The following SCO1 variants were observed in gnomAD, a reference collection of about 807,000 sequenced individuals.
The protein encoded by SCO1 is synthesis of cytochrome C oxidase 1.
In SCO1, 23 loss-of-function variants were observed where a neutral mutation model predicts 34.0. That is an observed-to-expected ratio of 0.68 (90% CI 0.49 to 0.96). SCO1 has a LOEUF of 0.96. Ranked by LOEUF, SCO1 falls within the 40% of genes least tolerant of loss-of-function variation. The probability of loss-of-function intolerance (pLI) is 0.00; values close to 1 mark genes in which losing one functional copy is unlikely to be tolerated. For missense variants in SCO1, 404 were observed against 381.6 expected (o/e 1.06, Z -0.49); for synonymous variants, 161 against 145.5 (o/e 1.11, Z -0.77).
intron 5 of SCO1, among the ~76,000 whole-genome samples, chr17:10,686,349 G>A (rs182511303): frequency 3.3e-5 from 5 of 152,196 alleles, no homozygotes; most frequent in East Asian, 1.9e-4. Flanking sequence ...AGTACTTTGG[G>A]AGGCTGAGGC....
Position 10,695,624 on chromosome 17 carries a change from A to AT in SCO1, c.364+116dup, listed in dbSNP as rs3834598. ...ATGTAGAACCTATGCTATCTTTGCA[A>AT]TTTTTTGGTAAATCTAAAGTTGTTT... On this transcript the variant is annotated intron_variant, in intron 2 of 5. Transcript: ENST00000255390. 11,546 of 735,036 alleles carry AT rather than the reference A, an allele frequency of 0.016. 750 individuals carry two copies. Among genetic ancestry groups the AT allele is most frequent in the African/African-American group, 0.16 (8,880 of 56,866 alleles). 45.5% of individuals were successfully genotyped at this position (735,036 alleles called of 1,614,324 possible).
At chr17:10,685,164 C>T (rs2074647610) in intron 5 of SCO1, among the ~76,000 whole-genome samples, 1 of 152,142 alleles carries the variant, frequency 6.6e-6, no homozygotes, top group Non-Finnish European at 1.5e-5. Flanking sequence ...ACATCCCATC[C>T]CCTCTGCATC....
chr17:10,674,867 G>C lies in SCO1; in HGVS notation c.*6252C>G, dbSNP rs1474678773. 6.6e-6 allele frequency: 1 copy of C among 152,324 alleles called. No homozygotes were observed. The highest frequency in any genetic ancestry group is 1.5e-5 in the Non-Finnish European group (1 of 68,152). The allele number at this position is 152,324 out of a possible 1,614,324, so 9.4% of individuals were successfully genotyped here. On this transcript the variant is annotated 3_prime_UTR_variant, in exon 6 of 6. Coordinates refer to ENST00000255390, the MANE Select transcript of SCO1 (RefSeq NM_004589.4). Reference sequence around the variant, plus strand: ...TGCAGACCCACCCAGGAATACTTCAGATGGCTCAAACACAGTGGTAATGTC... The same window carrying C: ...TGCAGACCCACCCAGGAATACTTCACATGGCTCAAACACAGTGGTAATGTC...
chr17:10,693,165 T>C (rs1176985071), intron 2 of SCO1, among the ~76,000 whole-genome samples: 7 of 152,184 alleles, frequency 4.6e-5, no homozygotes, highest in African/African-American at 1.2e-4. Flanking sequence ...TGAAATGCTA[T>C]GGTATGTTGT....
intron 2 of SCO1, 139 bp downstream of exon 2, chr17:10,695,602 T>G (rs193086566): frequency 2.2e-5 from 14 of 644,030 alleles, no homozygotes; most frequent in Middle Eastern, 6.7e-4. Flanking sequence ...GAAAGGTATG[T>G]AGAACCTATG....
chr17:10,682,235 TG>T (rs2074626268), intron 5 of SCO1, among the ~76,000 whole-genome samples: 1 of 152,194 alleles, frequency 6.6e-6, no homozygotes, highest in South Asian at 2.1e-4. Context: ...AATACCAAAC[TG>T]GAGACACCTC....
At chr17:10,687,402 A>G (rs1019887745) in intron 4 of SCO1, among the ~76,000 whole-genome samples, 1 of 152,214 alleles carries the variant, frequency 6.6e-6, no homozygotes, top group African/African-American at 2.4e-5. Context: ...CAAATCATTC[A>G]CAGCGTGTAT....
chr17:10,681,392 C>G, intron 5 of SCO1, 139 bp from the exon 6 acceptor site: 2 of 951,536 alleles, frequency 2.1e-6, no homozygotes, highest in Non-Finnish European at 3.2e-6. Flanking sequence ...ATGGAATAGG[C>G]TTAAGTCTAT....
Position 10,677,685 on chromosome 17 carries a change from A to G in SCO1, c.*3434T>C, listed in dbSNP as rs1238975123. On this transcript the variant is annotated 3_prime_UTR_variant, in exon 6 of 6. Coordinates refer to ENST00000255390, the MANE Select transcript of SCO1 (RefSeq NM_004589.4). ...AACAGCCAGACACATGAATACATTC[A>G]TGCCTACTGCATTGATAGGATTCTT... is the stretch of plus-strand genomic sequence containing the variant. The G allele has an allele frequency of 6.6e-6, 1 of 152,258 alleles. No homozygotes were observed. The highest frequency in any genetic ancestry group is 2.4e-5 in the African/African-American group (1 of 41,470). 9.4% of individuals were successfully genotyped at this position (152,258 alleles called of 1,614,324 possible).
intron 2 of SCO1, among the ~76,000 whole-genome samples, chr17:10,694,036 T>TA (rs1286190842): frequency 1.3e-5 from 2 of 152,230 alleles, no homozygotes; most frequent in Non-Finnish European, 2.9e-5. Context: ...GAAAACCTGT[T>TA]AGACACACAT....
In SCO1 at chr17:10,691,741, C is replaced by A. The variant is rs185716931; in HGVS notation, c.655+131G>T. 217 of 684,922 alleles carry A rather than the reference C, an allele frequency of 3.2e-4. No individual in the cohort carries two copies. In the African/African-American group the frequency reaches 3.6e-3, roughly 11 times the overall value. 42.4% of individuals were successfully genotyped at this position (684,922 alleles called of 1,614,324 possible). A position where few individuals can be genotyped will look rare whatever the true frequency, so the allele number is the denominator to read the frequency against. ...TATCCATAACAATTCCTAGCTTCACCTTTTTATTCACCCATAAAACTGGTG... is the reference window on the plus strand; with the variant it reads ...TATCCATAACAATTCCTAGCTTCACATTTTTATTCACCCATAAAACTGGTG... On this transcript the variant is annotated intron_variant, in intron 4 of 5. Coordinates refer to ENST00000255390, the MANE Select transcript of SCO1 (RefSeq NM_004589.4).
Position 10,679,183 on chromosome 17 carries a change from G to C in SCO1, c.*1936C>G, listed in dbSNP as rs2074603115. On this transcript the variant is annotated 3_prime_UTR_variant, in exon 6 of 6. Transcript: ENST00000255390. ...GGCTGGTCTCGAACTCCTGACCTTAGGTGATCTGCACGCCTCGGCCTCCCA... is the reference window on the plus strand; with the variant it reads ...GGCTGGTCTCGAACTCCTGACCTTACGTGATCTGCACGCCTCGGCCTCCCA... The C allele has an allele frequency of 6.6e-6, 1 of 152,178 alleles. No homozygotes were observed. The highest frequency in any genetic ancestry group is 6.6e-5 in the Admixed American group (1 of 15,266). The allele number at this position is 152,178 out of a possible 1,614,324, so 9.4% of individuals were successfully genotyped here. A position where few individuals can be genotyped will look rare whatever the true frequency, so the allele number is the denominator to read the frequency against.
At chr17:10,688,396 C>A (rs1319284605) in intron 4 of SCO1, among the ~76,000 whole-genome samples, 1 of 152,154 alleles carries the variant, frequency 6.6e-6, no homozygotes, top group Non-Finnish European at 1.5e-5. Context: ...TAAAAAGAAG[C>A]TTAACATTAA....
At chr17:10,695,958 C>CA in intron 1 of SCO1, 127 bp from the exon 2 acceptor site, 2 of 687,110 alleles carry the variant, frequency 2.9e-6, no homozygotes, top group African/African-American at 3.6e-5. Flanking sequence ...CAAAATGTTT[C>CA]AGGGATGAGA....
rs2151449484 is a variant in SCO1 at position 10,677,627 on chromosome 17, A to G, written c.*3492T>C. 1.3e-5 allele frequency: 2 copies of G among 152,330 alleles called. No individual in the cohort carries two copies. The highest frequency in any genetic ancestry group is 4.1e-4 in the South Asian group (2 of 4,830). The allele number at this position is 152,330 out of a possible 1,614,324, so 9.4% of individuals were successfully genotyped here. On this transcript the variant is annotated 3_prime_UTR_variant, in exon 6 of 6. Transcript: ENST00000255390. The stretch of plus-strand genomic sequence containing the variant: ...ATTTTACTGGTAGTCAGTAAATCTC[A>G]CCTCTTACACTTAAGATATCAGCTG...
Position 10,676,870 on chromosome 17 carries a change from A to G in SCO1, c.*4249T>C, listed in dbSNP as rs2074584060. On this transcript the variant is annotated 3_prime_UTR_variant, in exon 6 of 6. Coordinates refer to ENST00000255390, the MANE Select transcript of SCO1 (RefSeq NM_004589.4). ...ACTTTCAAATACATTGGAAAAGTAT[A>G]TAGAAAATAATTACCCCTATAAGGT... The G allele has an allele frequency of 6.6e-6, 1 of 152,272 alleles. No individual in the cohort carries two copies. The highest frequency in any genetic ancestry group is 2.4e-5 in the African/African-American group (1 of 41,470). 9.4% of individuals were successfully genotyped at this position (152,272 alleles called of 1,614,324 possible).
chr17:10,674,985 C>T lies in SCO1; in HGVS notation c.*6134G>A, dbSNP rs920886514. On this transcript the variant is annotated 3_prime_UTR_variant, in exon 6 of 6. Transcript: ENST00000255390. ...AGCTGCTGCTCACCACAGCAGCCAA[C>T]AAGGAATGTGCCCACTCTCCCCTTC... 2 of 152,350 alleles carry T rather than the reference C, an allele frequency of 1.3e-5. No homozygotes were observed. The highest frequency in any genetic ancestry group is 4.8e-5 in the African/African-American group (2 of 41,448). 9.4% of individuals were successfully genotyped at this position (152,350 alleles called of 1,614,324 possible). A position where few individuals can be genotyped will look rare whatever the true frequency, so the allele number is the denominator to read the frequency against.
rs1177317563 is a variant in SCO1 at position 10,673,655 on chromosome 17, G to C, written c.*7464C>G. On this transcript the variant is annotated 3_prime_UTR_variant, in exon 6 of 6. Coordinates refer to ENST00000255390, the MANE Select transcript of SCO1 (RefSeq NM_004589.4). Reference sequence around the variant, plus strand: ...GGTTCTCAGCAGCCTACTGCACTAGGGCCAACAGAGATCAAATGATCCTCA... The same window carrying C: ...GGTTCTCAGCAGCCTACTGCACTAGCGCCAACAGAGATCAAATGATCCTCA... 1 of 152,166 alleles carries C rather than the reference G, an allele frequency of 6.6e-6. No individual in the cohort carries two copies. The highest frequency in any genetic ancestry group is 1.5e-5 in the Non-Finnish European group (1 of 68,054). The allele number at this position is 152,166 out of a possible 1,614,324, so 9.4% of individuals were successfully genotyped here. A position where few individuals can be genotyped will look rare whatever the true frequency, so the allele number is the denominator to read the frequency against.
chr17:10,686,962 A>G, intron 4 of SCO1, 120 bp from the exon 5 acceptor site: 1 of 717,574 alleles, frequency 1.4e-6, no homozygotes, highest in East Asian at 2.6e-5. Context: ...GTGAGTCTCC[A>G]AACATTTCTT....
Sources: gnomAD v4.1 joint callset for allele counts (sites outside exome capture counted in the v4.1 genomes callset) on GRCh38, gnomAD v4.1.1 for gene constraint, MANE v1.5 for transcripts, NCBI Gene and HGNC (gene_info 2026-07-23, HGNC 2026-07-21) for gene names.